FBXL7: variants seen among roughly 807,000 people sequenced by gnomAD.
FBXL7 encodes F-box and leucine rich repeat protein 7, also known as F-box/LRR-repeat protein 7.
Under a neutral mutation model 38.3 loss-of-function variants are expected in FBXL7, and 12 were observed. The ratio of observed to expected loss-of-function variants is 0.31; its 90% CI spans 0.20 to 0.51. FBXL7 has a LOEUF of 0.51. FBXL7 is among the 20% of genes least tolerant of loss of function. The pLI is 0.98. For synonymous variants in FBXL7, 297 were observed against 300.9 expected, an observed-to-expected ratio of 0.99 and a Z score of 0.13; for missense variants, 567 against 676.4, an observed-to-expected ratio of 0.84 and a Z score of 1.79.
At chr5:15,696,791 C>T (rs944578710) in intron 2 of FBXL7, among the ~76,000 whole-genome samples, 2 of 152,224 alleles carry the variant, frequency 1.3e-5, no homozygotes, top group Admixed American at 6.5e-5. Flanking sequence ...GAACAACGTC[C>T]TCTCCCTGGA....
At chr5:15,770,514 A>C (rs371288846) in intron 2 of FBXL7, among the ~76,000 whole-genome samples, 103 of 152,322 alleles carry the variant, frequency 6.8e-4, no homozygotes, top group African/African-American at 2.3e-3. Context: ...GAGCCCAAGA[A>C]AGCTGCAGAG....
chr5:15,702,502 G>A (rs1743559113), intron 2 of FBXL7, among the ~76,000 whole-genome samples: 1 of 152,098 alleles, frequency 6.6e-6, no homozygotes, highest in African/African-American at 2.4e-5. Context: ...CTGTTAAGTG[G>A]TCTCATTCTG....
At chr5:15,556,727 A>G (rs1050760144) in intron 1 of FBXL7, among the ~76,000 whole-genome samples, 2 of 152,196 alleles carry the variant, frequency 1.3e-5, no homozygotes, top group African/African-American at 4.8e-5. Flanking sequence ...GACTGTGCCA[A>G]TCTCTCAATA....
At chr5:15,893,900 G>A (rs945819058) in intron 2 of FBXL7, among the ~76,000 whole-genome samples, 9 of 152,206 alleles carry the variant, frequency 5.9e-5, no homozygotes, top group African/African-American at 2.2e-4. Flanking sequence ...CTCCAATCCA[G>A]GCAGAAGTCC....
chr5:15,820,585 A>G (rs1738142831), intron 2 of FBXL7, among the ~76,000 whole-genome samples: 2 of 151,738 alleles, frequency 1.3e-5, no homozygotes, highest in Non-Finnish European at 2.9e-5. Flanking sequence ...ATCCAATTTC[A>G]GTTTTCCTGT....
intron 2 of FBXL7, among the ~76,000 whole-genome samples, chr5:15,749,389 A>G (rs975045260): frequency 3.3e-5 from 5 of 152,092 alleles, no homozygotes; most frequent in East Asian, 3.9e-4. Context: ...CACTTTGTGA[A>G]GCCAAGGCGG....
chr5:15,576,495 A>C (rs1738973863), intron 1 of FBXL7, among the ~76,000 whole-genome samples: 1 of 152,200 alleles, frequency 6.6e-6, no homozygotes, highest in Non-Finnish European at 1.5e-5. Context: ...GTTTTGTAGT[A>C]GAATGATAAT....
intron 2 of FBXL7, among the ~76,000 whole-genome samples, chr5:15,866,757 C>T (rs774528378): frequency 2.7e-5 from 4 of 145,468 alleles, no homozygotes; most frequent in East Asian, 4.2e-4. Flanking sequence ...TGAGAATATG[C>T]GGTATTTGGT....
chr5:15,584,888 G>A (rs1020689200), intron 1 of FBXL7, among the ~76,000 whole-genome samples: 1 of 152,126 alleles, frequency 6.6e-6, no homozygotes, highest in Non-Finnish European at 1.5e-5. Context: ...AGGGTAAGCA[G>A]GCATGTCTTA....
chr5:15,558,788 A>G (rs1738326475), intron 1 of FBXL7, among the ~76,000 whole-genome samples: 1 of 152,180 alleles, frequency 6.6e-6, no homozygotes, highest in Non-Finnish European at 1.5e-5. Context: ...TGTCTATTCT[A>G]TGGAGTCTCA....
At chr5:15,917,208 C>T (rs1741606535) in intron 2 of FBXL7, among the ~76,000 whole-genome samples, 1 of 152,140 alleles carries the variant, frequency 6.6e-6, no homozygotes, top group African/African-American at 2.4e-5. Context: ...TCCATATATG[C>T]TCACCACTTC....
At chr5:15,850,159 A>G (rs764412835) in intron 2 of FBXL7, among the ~76,000 whole-genome samples, 1 of 152,266 alleles carries the variant, frequency 6.6e-6, no homozygotes, top group African/African-American at 2.4e-5. Context: ...ACTTTTTAGT[A>G]TACAAAAACT....
At chr5:15,590,948 G>T (rs1055958549) in intron 1 of FBXL7, among the ~76,000 whole-genome samples, 3 of 152,102 alleles carry the variant, frequency 2.0e-5, no homozygotes, top group Admixed American at 6.5e-5. Flanking sequence ...ATAGGATGAA[G>T]AATTCTTTAT....
At chr5:15,570,382 G>C (rs938123014) in intron 1 of FBXL7, among the ~76,000 whole-genome samples, 4 of 152,174 alleles carry the variant, frequency 2.6e-5, no homozygotes, top group African/African-American at 9.7e-5. Context: ...TTGCATAGAG[G>C]TGTTTATAGT....
At chr5:15,783,908 AC>A (rs1484471179) in intron 2 of FBXL7, among the ~76,000 whole-genome samples, 2 of 152,156 alleles carry the variant, frequency 1.3e-5, no homozygotes, top group Admixed American at 1.3e-4. Flanking sequence ...CTCACAGGAA[AC>A]TTGCACTTTT....
intron 2 of FBXL7, among the ~76,000 whole-genome samples, chr5:15,925,329 G>T (rs1300164714): frequency 6.6e-6 from 1 of 152,236 alleles, no homozygotes; most frequent in Non-Finnish European, 1.5e-5. Flanking sequence ...GGCATTTGCA[G>T]CTACTCAAGA....
At chr5:15,636,707 C>T (rs1465593337) in intron 2 of FBXL7, among the ~76,000 whole-genome samples, 9 of 144,312 alleles carry the variant, frequency 6.2e-5, no homozygotes, top group South Asian at 2.1e-4. Context: ...CATATGTGGT[C>T]GCTGATTATT....
rs16903917 is a variant in FBXL7 at position 15,551,002 on chromosome 5, A to G, written c.37+50289A>G. ...GGCCATGCAAAACAGGGTGGGAGTT[A>G]TTATTTTTTGCCAATTTGAAGTAAA... On this transcript the variant is annotated intron_variant, in intron 1 of 3. Coordinates refer to ENST00000504595, the MANE Select transcript of FBXL7 (RefSeq NM_012304.5). Among the ~76,000 whole-genome samples the G allele has an allele frequency of 8.3e-3, 1,267 of 152,328 alleles. 12 individuals carry two copies. The highest frequency in any genetic ancestry group is 0.029 in the African/African-American group (1,194 of 41,574).
chr5:15,525,730 G>T (rs1253224927), intron 1 of FBXL7, among the ~76,000 whole-genome samples: 1 of 152,154 alleles, frequency 6.6e-6, no homozygotes, highest in African/African-American at 2.4e-5. Context: ...TATTTAAGAG[G>T]AGTCCTCAAA....
Sources: gnomAD v4.1 joint callset for allele counts (sites outside exome capture counted in the v4.1 genomes callset) on GRCh38, gnomAD v4.1.1 for gene constraint, MANE v1.5 for transcripts, NCBI Gene and HGNC (gene_info 2026-07-23, HGNC 2026-07-21) for gene names.